The following RIBC2 variants were observed in gnomAD, a reference collection of about 807,000 sequenced individuals.
RIBC2 encodes RIB43A domain with coiled-coils 2.
RIBC2 carries 40 observed loss-of-function variants against 44.3 expected under a neutral mutation model. That is an observed-to-expected ratio of 0.90 (90% confidence interval 0.70 to 1.18). The LOEUF (loss-of-function observed/expected upper bound fraction) is 1.18, where lower values mean the gene tolerates loss of function less well. Ranked by LOEUF, RIBC2 falls within the 50% of genes most tolerant of loss-of-function variation. RIBC2 has a pLI of 0.00. For synonymous variants in RIBC2, 171 were observed against 175.0 expected, an observed-to-expected ratio of 0.98 and a Z score of 0.18; for missense variants, 459 against 485.5, an observed-to-expected ratio of 0.95 and a Z score of 0.51.
At chr22:45,414,979 A>G (rs1225568998) in intron 2 of RIBC2, among the ~76,000 whole-genome samples, 1 of 152,186 alleles carries the variant, frequency 6.6e-6, no homozygotes, top group East Asian at 1.9e-4. Context: ...AGAGACAGAC[A>G]TGATTCAAAT....
intron 5 of RIBC2, among the ~76,000 whole-genome samples, chr22:45,428,837 C>G (rs2146889723): frequency 6.6e-6 from 1 of 151,686 alleles, no homozygotes; most frequent in Non-Finnish European, 1.5e-5. Context: ...CCCCATAGGT[C>G]TGGGTCACCC....
chr22:45,413,875 C>T lies in RIBC2; in HGVS notation c.-12C>T. ...CTGATCCTGCGTGTTCTAAAAACCC[C>T]TTAGGCTTTCCATGGGTTCCCAGAC... On this transcript the variant is annotated 5_prime_UTR_variant, in exon 1 of 7. Transcript: ENST00000614167. The T allele has an allele frequency of 6.5e-7, 1 of 1,548,428 alleles. No homozygotes were observed. The highest frequency in any genetic ancestry group is 8.7e-7 in the Non-Finnish European group (1 of 1,144,884).
At chr22:45,427,793 C>T (rs538014219) in intron 5 of RIBC2, among the ~76,000 whole-genome samples, 110 of 152,352 alleles carry the variant, frequency 7.2e-4, no homozygotes, top group African/African-American at 2.3e-3. Flanking sequence ...CACCACCACA[C>T]CCAGCTGCTT....
intron 5 of RIBC2, among the ~76,000 whole-genome samples, chr22:45,428,944 C>T (rs1276862355): frequency 3.3e-5 from 5 of 152,202 alleles, no homozygotes; most frequent in Admixed American, 6.5e-5. Flanking sequence ...AAGTGAAGGA[C>T]TCAGGGGGCC....
chr22:45,421,538 A>AATATTAATAATAATAATAGTATTATTAT (rs2087481076), intron 3 of RIBC2, among the ~76,000 whole-genome samples: 8 of 29,356 alleles, frequency 2.7e-4, no homozygotes, highest in African/African-American at 9.7e-4. Flanking sequence ...AGTATTATTA[A>AATATTAATAATAATAATAGTATTATTAT]TAATATTAAT....
At chr22:45,423,668 A>G (rs1008884117) in intron 4 of RIBC2, among the ~76,000 whole-genome samples, 3 of 152,196 alleles carry the variant, frequency 2.0e-5, no homozygotes, top group African/African-American at 7.2e-5. Context: ...TGGGTTTTCA[A>G]CACGGGGGAG....
chr22:45,415,475 T>C (rs921773304), intron 2 of RIBC2, among the ~76,000 whole-genome samples: 5 of 152,056 alleles, frequency 3.3e-5, no homozygotes. Flanking sequence ...AGTTATGAGG[T>C]AATTCAATCT....
intron 3 of RIBC2, among the ~76,000 whole-genome samples, chr22:45,419,254 G>A (rs531012062): frequency 6.6e-6 from 1 of 152,174 alleles, no homozygotes; most frequent in African/African-American, 2.4e-5. Flanking sequence ...TAATGCACTT[G>A]TCAAGATCAG....
intron 6 of RIBC2, 68 bp from the exon 7 acceptor site, chr22:45,432,211 CAAAAA>C (rs35724408): frequency 2.4e-5 from 16 of 658,744 alleles, no homozygotes; most frequent in East Asian, 6.3e-5. Context: ...TGTGCCTTTT[CAAAAA>C]AAAAAAAAAG....
chr22:45,419,479 A>G (rs536806350), intron 3 of RIBC2, among the ~76,000 whole-genome samples: 16 of 152,184 alleles, frequency 1.1e-4, no homozygotes, highest in African/African-American at 3.9e-4. Context: ...CATGCCTGTA[A>G]TCTCGGCATT....
chr22:45,427,807 G>A (rs1039152389), intron 5 of RIBC2, among the ~76,000 whole-genome samples: 7 of 152,188 alleles, frequency 4.6e-5, no homozygotes, highest in African/African-American at 1.7e-4. Flanking sequence ...GCTGCTTTTT[G>A]TATTTTTTGT....
chr22:45,422,424 G>C lies in RIBC2; in HGVS notation c.675+16G>C, dbSNP rs777930655. The stretch of plus-strand genomic sequence containing the variant: ...CAAGAGCCAGGTATAGGTACTCCGC[G>C]ACCTCGGGCTCGACGACTGGAGGGG... On this transcript the variant is annotated intron_variant, in intron 4 of 6. Coordinates refer to ENST00000614167, the MANE Select transcript of RIBC2 (RefSeq NM_015653.5). The C allele has an allele frequency of 6.3e-7, 1 of 1,580,090 alleles. No homozygotes were observed. The highest frequency in any genetic ancestry group is 8.7e-7 in the Non-Finnish European group (1 of 1,149,062).
rs12484327 is a variant in RIBC2 at position 45,419,895 on chromosome 22, G to A, written c.556+1949G>A. Among the ~76,000 whole-genome samples, 1,218 of 152,110 alleles carry A rather than the reference G, an allele frequency of 8.0e-3. 33 individuals carry two copies. The highest frequency in any genetic ancestry group is 0.071 in the South Asian group (341 of 4,822). ...CAAAAAATTAGCCGGGAGTGGTGGC[G>A]GGTGCCTGTAGTCCCAGCTACTCGG... On this transcript the variant is annotated intron_variant, in intron 3 of 6. Transcript: ENST00000614167.
In RIBC2 at chr22:45,422,501, A is replaced by G. The variant is rs1488063253; in HGVS notation, c.675+93A>G. On this transcript the variant is annotated intron_variant, in intron 4 of 6. Coordinates refer to ENST00000614167, the MANE Select transcript of RIBC2 (RefSeq NM_015653.5). ...GGCTCTCCGGCTTCCCTGGGATCCCAGTCTCAGCCTGCTCCCTGGTCACAT... is the reference window on the plus strand; with the variant it reads ...GGCTCTCCGGCTTCCCTGGGATCCCGGTCTCAGCCTGCTCCCTGGTCACAT... 3.4e-6 allele frequency: 3 copies of G among 880,372 alleles called. No homozygotes were observed. The African/African-American group carries it at 4.9e-5, about 15-fold the overall frequency. 54.5% of individuals were successfully genotyped at this position (880,372 alleles called of 1,614,324 possible).
At chr22:45,419,549 C>CA (rs2087458120) in intron 3 of RIBC2, among the ~76,000 whole-genome samples, 1 of 151,966 alleles carries the variant, frequency 6.6e-6, no homozygotes, top group South Asian at 2.1e-4. Context: ...GCCCGGGCAA[C>CA]AAAGTGAGAC....
intron 4 of RIBC2, among the ~76,000 whole-genome samples, chr22:45,424,878 C>G (rs2087520181): frequency 6.6e-6 from 1 of 151,244 alleles, no homozygotes; most frequent in African/African-American, 2.4e-5. Context: ...GCCTCAGCCT[C>G]CCAAGTAGCT....
At chr22:45,419,808 C>T (rs2087460667) in intron 3 of RIBC2, among the ~76,000 whole-genome samples, 1 of 151,924 alleles carries the variant, frequency 6.6e-6, no homozygotes, top group Admixed American at 6.6e-5. Flanking sequence ...GGGCAGATCA[C>T]GAGGTCAGGA....
At chr22:45,420,731 C>T (rs1031129430) in intron 3 of RIBC2, among the ~76,000 whole-genome samples, 4 of 152,220 alleles carry the variant, frequency 2.6e-5, no homozygotes, top group Admixed American at 2.6e-4. Context: ...CCTTCTACCT[C>T]CTGCATATAT....
Position 45,430,993 on chromosome 22 carries a change from TGGCGGCGGCAGC to T in RIBC2, c.999_1010del (p.Trp333_Arg337delinsCys). Reference sequence around the variant, plus strand: ...CACCCTGCTGTTTGAGCGGCAGCAGTGGCGGCGGCAGCGCGACCTGCGCAGAGCTCTGGACAG... The same window carrying T: ...CACCCTGCTGTTTGAGCGGCAGCAGTGCGACCTGCGCAGAGCTCTGGACAG... On this transcript the variant is annotated inframe_deletion, in exon 6 of 7. Coordinates refer to ENST00000614167, the MANE Select transcript of RIBC2 (RefSeq NM_015653.5). The T allele has an allele frequency of 6.2e-7, 1 of 1,601,624 alleles. No homozygotes were observed. Among genetic ancestry groups the T allele is most frequent in the Non-Finnish European group, 8.5e-7 (1 of 1,174,730 alleles).
Sources: gnomAD v4.1 joint callset for allele counts (sites outside exome capture counted in the v4.1 genomes callset) on GRCh38, gnomAD v4.1.1 for gene constraint, MANE v1.5 for transcripts, NCBI Gene and HGNC (gene_info 2026-07-23, HGNC 2026-07-21) for gene names.